BACH2: variants seen among roughly 807,000 people sequenced by gnomAD.
BACH2 encodes the protein BACH transcriptional regulator 2.
A neutral mutation model predicts 61.8 loss-of-function variants in BACH2; 5 were observed. That is an observed-to-expected ratio of 0.08 (90% CI 0.04 to 0.17). The LOEUF (loss-of-function observed/expected upper bound fraction) is 0.17. Among genes scored for constraint, BACH2 ranks in the 10% least tolerant of loss-of-function variants. The probability of loss-of-function intolerance (pLI) is 1.00; values close to 1 mark genes in which losing one functional copy is unlikely to be tolerated. For synonymous variants in BACH2, 446 were observed against 440.1 expected (o/e 1.01, Z -0.17); for missense variants, 824 against 1,091.1 (o/e 0.76, Z 3.45).
At chr6:90,163,933 A>G (rs1463677017) in intron 4 of BACH2, among the ~76,000 whole-genome samples, 2 of 152,244 alleles carry the variant, frequency 1.3e-5, no homozygotes, top group African/African-American at 2.4e-5. Flanking sequence ...ATAAGAATTT[A>G]TGTACTGTGA....
rs192198986 is a variant in BACH2, at chr6:90,006,491, T to C, written c.243+2111A>G. Among the ~76,000 whole-genome samples, 10 of 152,340 alleles carry C rather than the reference T, an allele frequency of 6.6e-5. No individual in the cohort carries two copies. In the East Asian group the frequency reaches 1.9e-3, roughly 29 times the overall value. On this transcript the variant is annotated intron_variant, in intron 6 of 8. Coordinates refer to ENST00000257749, the MANE Select transcript of BACH2 (RefSeq NM_021813.4). ...CATTTAGCTGATCTGTCCTTTTGCT[T>C]CTAGTGTTGGGATCTCTCTAGCTAC... is the stretch of plus-strand genomic sequence containing the variant.
In BACH2 at chr6:89,936,318, T is replaced by C. The variant is rs1176812885; in HGVS notation, c.2043+1826A>G. Among the ~76,000 whole-genome samples the C allele has an allele frequency of 2.6e-5, 4 of 152,262 alleles. No individual in the cohort carries two copies. The South Asian group carries it at 6.2e-4, about 24-fold the overall frequency. On this transcript the variant is annotated intron_variant, in intron 8 of 8. Coordinates refer to ENST00000257749, the MANE Select transcript of BACH2 (RefSeq NM_021813.4). ...GGTGATGCATAACCTGACTCATTCA[T>C]TCATTTAGAGATGGGGTCTTGCTAT...
intron 4 of BACH2, among the ~76,000 whole-genome samples, chr6:90,135,209 G>C (rs1052689671): frequency 2.0e-5 from 3 of 152,034 alleles, no homozygotes; most frequent in Non-Finnish European, 2.9e-5. Flanking sequence ...TGCTACCATT[G>C]TCCTCCCTCC....
chr6:90,065,274 T>TTC (rs1453543202), intron 5 of BACH2, among the ~76,000 whole-genome samples: 2 of 65,622 alleles, frequency 3.0e-5, no homozygotes, highest in African/African-American at 9.3e-5. Context: ...CCCCCACTTT[T>TTC]TTTTTTTTTT....
intron 1 of BACH2, among the ~76,000 whole-genome samples, chr6:90,285,030 A>G (rs1771974818): frequency 1.3e-5 from 2 of 152,228 alleles, no homozygotes; most frequent in Non-Finnish European, 2.9e-5. Context: ...AGCTGATCTT[A>G]CTTTAATCAT....
chr6:90,006,592 C>T (rs566809737), intron 6 of BACH2, among the ~76,000 whole-genome samples: 18 of 152,228 alleles, frequency 1.2e-4, no homozygotes, highest in African/African-American at 3.4e-4. Flanking sequence ...AATGTGAAAA[C>T]GCTAGTGCTT....
intron 5 of BACH2, among the ~76,000 whole-genome samples, chr6:90,029,557 ATT>A (rs1778839813): frequency 6.6e-6 from 1 of 152,078 alleles, no homozygotes; most frequent in African/African-American, 2.4e-5. Context: ...TTTTACTCAT[ATT>A]TTGTTAATGA....
At position 89,950,043 on chromosome 6, in the gene BACH2, C is replaced by G; in HGVS notation, c.1836+227G>C. 1.7e-6 allele frequency: 1 copy of G among 592,742 alleles called. No homozygotes were observed. The highest frequency in any genetic ancestry group is 3.0e-6 in the Non-Finnish European group (1 of 332,790). 36.7% of individuals were successfully genotyped at this position (592,742 alleles called of 1,614,324 possible). On this transcript the variant is annotated intron_variant, in intron 7 of 8. Transcript: ENST00000257749. The surrounding 1 kb of genome is among the most constrained non-coding windows in gnomAD (Gnocchi z 5.3). ...TACTCAGCAGCTTGCCTCTGCTTGT[C>G]GAGTATTGAGATCCAGATCAAATAT...
intron 6 of BACH2, among the ~76,000 whole-genome samples, chr6:89,992,614 C>T (rs930359316): frequency 1.4e-4 from 21 of 152,178 alleles, no homozygotes; most frequent in African/African-American, 4.6e-4. Context: ...TGCACTCCAG[C>T]CTGGGCAACA....
intron 4 of BACH2, among the ~76,000 whole-genome samples, chr6:90,107,336 C>T (rs895373407): frequency 1.3e-5 from 2 of 151,884 alleles, no homozygotes; most frequent in African/African-American, 4.8e-5. Context: ...CGTGCCACTA[C>T]ATTCCAGCCT....
chr6:90,293,560 A>C (rs928146145), intron 1 of BACH2, among the ~76,000 whole-genome samples: 4 of 152,218 alleles, frequency 2.6e-5, no homozygotes, highest in Non-Finnish European at 5.9e-5. Flanking sequence ...GTGGGCCCAG[A>C]AGTGAAGGGC....
intron 5 of BACH2, among the ~76,000 whole-genome samples, chr6:90,010,349 T>G (rs1232159982): frequency 6.6e-6 from 1 of 152,240 alleles, no homozygotes. Context: ...AATGGAATCA[T>G]AAACTACATA....
intron 3 of BACH2, among the ~76,000 whole-genome samples, chr6:90,242,456 T>C (rs1770486386): frequency 6.6e-6 from 1 of 152,252 alleles, no homozygotes; most frequent in African/African-American, 2.4e-5. Flanking sequence ...TTCCATTATC[T>C]GGATGTACCA....
chr6:89,982,608 C>T (rs74486855), intron 6 of BACH2, among the ~76,000 whole-genome samples: 2,559 of 152,210 alleles, frequency 0.017, 61 homozygotes, highest in African/African-American at 0.055. Context: ...TTTAGGAGTA[C>T]GTTCGGATAT....
chr6:90,256,404 C>T (rs1770981070), intron 2 of BACH2, among the ~76,000 whole-genome samples: 1 of 152,120 alleles, frequency 6.6e-6, no homozygotes, highest in Non-Finnish European at 1.5e-5. Context: ...CATGTTTTTC[C>T]CCCTCTCTTG....
rs1296405784 is a variant in BACH2, at chr6:90,089,128, T to C, written c.-161-19A>G. On this transcript the variant is annotated intron_variant, in intron 4 of 8. Transcript: ENST00000257749. ...TGTCCACCTAATTGGGAAGGAAAAG[T>C]TGTCCATTAGCAGATGAAAGTATGC... 1 of 152,176 alleles carries C rather than the reference T, an allele frequency of 6.6e-6. No homozygotes were observed. Among genetic ancestry groups the C allele is most frequent in the Non-Finnish European group, 1.5e-5 (1 of 68,034 alleles). 9.4% of individuals were successfully genotyped at this position (152,176 alleles called of 1,614,324 possible).
chr6:89,963,054 A>G (rs1403759161), intron 6 of BACH2, among the ~76,000 whole-genome samples: 1 of 152,222 alleles, frequency 6.6e-6, no homozygotes, highest in East Asian at 1.9e-4. Flanking sequence ...AATATAAAAT[A>G]ACCCAACTAA....
At chr6:90,221,509 C>T (rs1769732538) in intron 3 of BACH2, among the ~76,000 whole-genome samples, 1 of 152,186 alleles carries the variant, frequency 6.6e-6, no homozygotes, top group Non-Finnish European at 1.5e-5. Flanking sequence ...GTGCTTACTA[C>T]ACACGAGGTA....
chr6:90,042,459 C>T (rs1015160392), intron 5 of BACH2, among the ~76,000 whole-genome samples: 1 of 152,028 alleles, frequency 6.6e-6, no homozygotes, highest in Non-Finnish European at 1.5e-5. Flanking sequence ...CTCGGCCTCC[C>T]AAAGTGCTGG....
Sources: gnomAD v4.1 joint callset for allele counts (sites outside exome capture counted in the v4.1 genomes callset) on GRCh38, gnomAD v4.1.1 for gene constraint, Gnocchi (gnomAD v3.1) non-coding constraint, MANE v1.5 for transcripts, NCBI Gene and HGNC (gene_info 2026-07-23, HGNC 2026-07-21) for gene names.